Variants in SLC19A1 observed in about 807,000 individuals in gnomAD.
SLC19A1 encodes reduced folate transporter.
In SLC19A1, 37 loss-of-function variants were observed where a neutral mutation model predicts 35.3. The observed-to-expected ratio is 1.05, with a 90% CI of 0.81 to 1.38. SLC19A1 has a LOEUF of 1.38. Ranked by LOEUF, SLC19A1 falls within the 40% of genes most tolerant of loss-of-function variation. SLC19A1 has a pLI of 0.00. For synonymous variants in SLC19A1, 460 were observed against 398.5 expected, an observed-to-expected ratio of 1.15 and a Z score of -1.84; for missense variants, 831 against 826.9, an observed-to-expected ratio of 1.00 and a Z score of -0.06.
intron 4 of SLC19A1, among the ~76,000 whole-genome samples, chr21:45,526,696 C>T (rs1352197460): frequency 6.6e-6 from 1 of 152,206 alleles, no homozygotes; most frequent in Admixed American, 6.5e-5. Context: ...CTCAGCCTTT[C>T]GAGTAGCTGG....
rs770683387 is a variant in SLC19A1 at position 45,515,978 on chromosome 21, C to T, written c.1456G>A (p.Val486Met). 1.4e-5 allele frequency: 22 copies of T among 1,554,872 alleles called. No individual in the cohort carries two copies. Among genetic ancestry groups the T allele is most frequent in the Admixed American group, 6.0e-5 (3 of 50,352 alleles). ...AEEKAAQALS[V>M]QDKGLGGLQP... is the part of the protein sequence containing the mutation. Reference sequence around the variant, plus strand: ...AGGCCTCCGAGGCCCTTGTCCTGCACGCTCAGTGCCTGTGCTGCCTTCTCC... The same window carrying T: ...AGGCCTCCGAGGCCCTTGTCCTGCATGCTCAGTGCCTGTGCTGCCTTCTCC... Residue 486 changes from valine to methionine, a missense_variant, in exon 6 of 6, where the codon GTG becomes ATG. By Grantham distance (21) the Val-to-Met change is conservative (BLOSUM62 1). Transcript: ENST00000311124.
In SLC19A1 at chr21:45,540,740, C is replaced by T. The variant is rs62214302; in HGVS notation, c.-50+1628G>A. Reference sequence around the variant, plus strand: ...TCCCATACAGCTTGAGGCCTCTTCCCGGCATCTGAAGGAAGTCCCCGACCA... The same window carrying T: ...TCCCATACAGCTTGAGGCCTCTTCCTGGCATCTGAAGGAAGTCCCCGACCA... On this transcript the variant is annotated intron_variant, in intron 1 of 5. Transcript: ENST00000311124. The surrounding 1 kb of genome is among the most constrained non-coding windows in gnomAD (Gnocchi z 5.5). Among the ~76,000 whole-genome samples, 1 of 152,140 alleles carries T rather than the reference C, an allele frequency of 6.6e-6. No individual in the cohort carries two copies. Among genetic ancestry groups the T allele is most frequent in the Non-Finnish European group, 1.5e-5 (1 of 68,024 alleles).
chr21:45,515,828 A>G lies in SLC19A1; in HGVS notation c.1606T>C (p.Phe536Leu). Residue 536 changes from phenylalanine to leucine, a missense_variant, in exon 6 of 6, where the codon TTC (phenylalanine) becomes CTC (leucine). Transcript: ENST00000311124. The stretch of plus-strand genomic sequence containing the variant: ...GAAGGGGTTGTCACTGGGCTCAGGA[A>G]TTCAGCTGCCTGCGGGGCCGGGGCC... The part of the protein sequence containing the change: ...AQAPAPQAAE[F>L]LSPVTTPSPC... 1 of 1,607,480 alleles carries G rather than the reference A, an allele frequency of 6.2e-7. No homozygotes were observed. The highest frequency in any genetic ancestry group is 8.5e-7 in the Non-Finnish European group (1 of 1,175,764).
chr21:45,537,729 C>A, intron 2 of SLC19A1, 42 bp downstream of exon 2: 3 of 580,250 alleles, frequency 5.2e-6, no homozygotes, highest in Non-Finnish European at 7.4e-6. Flanking sequence ...TCCCCGCCCA[C>A]CCACCCACAG....
At position 45,537,980 on chromosome 21, in the gene SLC19A1, C is replaced by T. The variant is rs770654967; in HGVS notation, c.-21G>A. The stretch of plus-strand genomic sequence containing the variant: ...ACCATCCTGCTCAGGCCACGTGCAG[C>T]TCCGGAGGGGACGAAGGTGACGCTG... On this transcript the variant is annotated 5_prime_UTR_variant, in exon 2 of 6. Coordinates refer to ENST00000311124, the MANE Select transcript of SLC19A1 (RefSeq NM_194255.4). 2 of 1,502,210 alleles carry T rather than the reference C, an allele frequency of 1.3e-6. No homozygotes were observed. The highest frequency in any genetic ancestry group is 2.8e-5 in the African/African-American group (2 of 72,462). The allele number at this position is 1,502,210 out of a possible 1,614,324, so 93.1% of individuals were successfully genotyped here. A position where few individuals can be genotyped will look rare whatever the true frequency, so the allele number is the denominator to read the frequency against.
chr21:45,548,820 T>C (rs943246601), upstream of SLC19A1, among the ~76,000 whole-genome samples: 2 of 152,224 alleles, frequency 1.3e-5, no homozygotes, highest in African/African-American at 2.4e-5. Flanking sequence ...CCTAATATCA[T>C]AAATATCATA....
At chr21:45,506,046 C>G in intron 3 of SLC19A1, 2 of 1,605,302 alleles carry the variant, frequency 1.2e-6, no homozygotes, top group South Asian at 2.2e-5. Flanking sequence ...GCGAGAGGCT[C>G]AGGCCCCGGA....
intron 1 of SLC19A1, among the ~76,000 whole-genome samples, chr21:45,558,864 A>G (rs1455943988): frequency 2.0e-5 from 3 of 150,718 alleles, no homozygotes; most frequent in Admixed American, 6.6e-5. Flanking sequence ...GCTGGAGTGC[A>G]ATGCTGCAAT....
In SLC19A1 at chr21:45,542,382, G is replaced by A. The variant is rs1005875043; in HGVS notation, c.-64C>T. Reference sequence around the variant, plus strand: ...CCCACCGGTACCTGCGACTCGGCGGGGCGGCTGCCCTGGGGCTCCCGGACC... The same window carrying A: ...CCCACCGGTACCTGCGACTCGGCGGAGCGGCTGCCCTGGGGCTCCCGGACC... On this transcript the variant is annotated 5_prime_UTR_variant, in exon 1 of 6. Coordinates refer to ENST00000311124, the MANE Select transcript of SLC19A1 (RefSeq NM_194255.4). 3.3e-5 allele frequency: 5 copies of A among 151,574 alleles called. No individual in the cohort carries two copies. Among genetic ancestry groups the A allele is most frequent in the Admixed American group, 3.3e-4 (5 of 15,238 alleles). The allele number at this position is 151,574 out of a possible 1,614,324, so 9.4% of individuals were successfully genotyped here. A position where few individuals can be genotyped will look rare whatever the true frequency, so the allele number is the denominator to read the frequency against.
chr21:45,550,062 T>C (rs970042138), intron 1 of SLC19A1, among the ~76,000 whole-genome samples: 1 of 152,038 alleles, frequency 6.6e-6, no homozygotes, highest in Non-Finnish European at 1.5e-5. Flanking sequence ...TGTTGCAGCA[T>C]TGGCCAAAAG....
chr21:45,510,179 C>A, downstream of SLC19A1: 1 of 1,597,264 alleles, frequency 6.3e-7, no homozygotes, highest in Non-Finnish European at 8.5e-7. Flanking sequence ...ACCTTCCGCG[C>A]CTTCCTGTCC....
rs921753531 is a variant in SLC19A1, at chr21:45,534,938, G to C, written c.190-2790C>G. On this transcript the variant is annotated intron_variant, in intron 2 of 5. Transcript: ENST00000311124. This position sits in a 1 kb window ranked among gnomAD's most constrained non-coding sequence, Gnocchi z 4.2. ...TCTTGGTTGGGGTCCAGGCTGAATGGGCAGAGTGCAGGCAGCTGCGCCCAA... is the reference window on the plus strand; with the variant it reads ...TCTTGGTTGGGGTCCAGGCTGAATGCGCAGAGTGCAGGCAGCTGCGCCCAA... 1.3e-5 allele frequency among the ~76,000 whole-genome samples: 2 copies of C among 152,280 alleles called. No individual in the cohort carries two copies. The highest frequency in any genetic ancestry group is 2.9e-5 in the Non-Finnish European group (2 of 68,058).
At chr21:45,516,419 T>C (rs1396013598) in intron 5 of SLC19A1, among the ~76,000 whole-genome samples, 1 of 152,184 alleles carries the variant, frequency 6.6e-6, no homozygotes, top group East Asian at 1.9e-4. Context: ...TGGCCTGCGG[T>C]GTCTGCTCCC....
At chr21:45,546,853 G>A (rs957923354), upstream of SLC19A1, among the ~76,000 whole-genome samples, 4 of 152,154 alleles carry the variant, frequency 2.6e-5, no homozygotes, top group South Asian at 2.1e-4. Context: ...ATCAAGCTCC[G>A]CCACAATCAC....
chr21:45,528,114 C>G (rs2039278), intron 4 of SLC19A1, among the ~76,000 whole-genome samples: 80,844 of 150,114 alleles, frequency 0.54, 22,101 homozygotes, highest in South Asian at 0.6. Context: ...GCAGGCAGGC[C>G]GGCAGCAGGG....
In SLC19A1 at chr21:45,515,264, T is replaced by C. The variant is rs2037839995; in HGVS notation, c.*394A>G. 1 of 1,492,518 alleles carries C rather than the reference T, an allele frequency of 6.7e-7. No individual in the cohort carries two copies. Among genetic ancestry groups the C allele is most frequent in the African/African-American group, 1.4e-5 (1 of 70,032 alleles). The allele number at this position is 1,492,518 out of a possible 1,614,324, so 92.5% of individuals were successfully genotyped here. The stretch of plus-strand genomic sequence containing the variant: ...GAGGGTCCCGGCTCCCACCCTGCCC[T>C]AGAGGGCTCACAACTCCTGTGGGGC... On this transcript the variant is annotated 3_prime_UTR_variant, in exon 6 of 6. Transcript: ENST00000311124.
chr21:45,523,073 C>A (rs201503487), intron 5 of SLC19A1, among the ~76,000 whole-genome samples: 1 of 151,864 alleles, frequency 6.6e-6, no homozygotes, highest in Non-Finnish European at 1.5e-5. Flanking sequence ...CAGGCAAACC[C>A]AGGCAAGCTC....
chr21:45,555,843 G>A (rs1304165055), intron 1 of SLC19A1, among the ~76,000 whole-genome samples: 2 of 152,150 alleles, frequency 1.3e-5, no homozygotes, highest in African/African-American at 4.8e-5. Context: ...CGCGGACCCT[G>A]AGGCAGGATC....
chr21:45,509,282 A>C (rs2037429703), downstream of SLC19A1: 4 of 1,528,262 alleles, frequency 2.6e-6, no homozygotes, highest in South Asian at 4.8e-5. Flanking sequence ...CACCCAGCCC[A>C]GAGGAGGACA....
Sources: allele counts gnomAD v4.1 joint callset (sites outside exome capture counted in the v4.1 genomes callset), GRCh38; gene constraint gnomAD v4.1.1; non-coding constraint Gnocchi (gnomAD v3.1); transcripts MANE v1.5; gene names NCBI Gene and HGNC (gene_info 2026-07-23, HGNC 2026-07-21).